PTPRG: variants seen among roughly 807,000 people sequenced by gnomAD.
The protein encoded by PTPRG is receptor-type tyrosine-protein phosphatase gamma.
A neutral mutation model predicts 165.3 loss-of-function variants in PTPRG; 102 were observed. The observed-to-expected ratio is 0.62, with a 90% CI of 0.53 to 0.73. PTPRG has a LOEUF of 0.73. PTPRG is among the 30% of genes least tolerant of loss of function. The pLI, the probability that PTPRG is intolerant of heterozygous loss-of-function variation, is 0.00. For synonymous variants in PTPRG, 675 were observed against 669.5 expected (o/e 1.01, Z -0.13); for missense variants, 1,866 against 1,861.4 (o/e 1.00, Z -0.05).
At chr3:61,746,507 A>G (rs1353366742) in intron 1 of PTPRG, among the ~76,000 whole-genome samples, 1 of 152,076 alleles carries the variant, frequency 6.6e-6, no homozygotes, top group Non-Finnish European at 1.5e-5. Flanking sequence ...AATTTTGTCA[A>G]CAGAATTGAT....
chr3:61,565,562 C>T (rs1699891297), intron 1 of PTPRG, among the ~76,000 whole-genome samples: 1 of 152,014 alleles, frequency 6.6e-6, no homozygotes, highest in South Asian at 2.1e-4. Flanking sequence ...AAATATGTTA[C>T]TTCAGAGTGT....
intron 2 of PTPRG, among the ~76,000 whole-genome samples, chr3:61,944,965 G>T (rs180681974): frequency 3.5e-4 from 53 of 152,254 alleles, no homozygotes; most frequent in Non-Finnish European, 6.0e-4. Context: ...GATTGCAGTG[G>T]CTCTGCTGGA....
At chr3:61,829,987 T>C (rs2036227514) in intron 2 of PTPRG, among the ~76,000 whole-genome samples, 1 of 152,228 alleles carries the variant, frequency 6.6e-6, no homozygotes, top group Admixed American at 6.5e-5. Flanking sequence ...CTCCACATGG[T>C]GGATAGCTCA....
intron 2 of PTPRG, among the ~76,000 whole-genome samples, chr3:61,948,201 T>C (rs535087564): frequency 1.8e-4 from 28 of 152,248 alleles, no homozygotes; most frequent in Admixed American, 3.3e-4. Context: ...GGCACATGCC[T>C]GTAATCCCAG....
At chr3:61,683,987 T>C (rs904358325) in intron 1 of PTPRG, among the ~76,000 whole-genome samples, 2 of 152,228 alleles carry the variant, frequency 1.3e-5, no homozygotes, top group African/African-American at 2.4e-5. Context: ...CCCAGCTCCA[T>C]GGTACCGTAG....
chr3:62,068,656 T>G (rs190360478), intron 4 of PTPRG, among the ~76,000 whole-genome samples: 40 of 152,166 alleles, frequency 2.6e-4, no homozygotes, highest in African/African-American at 8.7e-4. Context: ...TTTTGTTTTG[T>G]TTTGGTTTGG....
At chr3:61,852,429 A>G (rs1398521845) in intron 2 of PTPRG, among the ~76,000 whole-genome samples, 1 of 152,246 alleles carries the variant, frequency 6.6e-6, no homozygotes, top group African/African-American at 2.4e-5. Context: ...ATGGAATTTT[A>G]CAGTAAGACA....
At chr3:62,057,935 A>G (rs1700685199) in intron 4 of PTPRG, among the ~76,000 whole-genome samples, 1 of 152,240 alleles carries the variant, frequency 6.6e-6, no homozygotes, top group Non-Finnish European at 1.5e-5. Flanking sequence ...TTATTTTGCT[A>G]GCATGTTAAA....
chr3:61,837,755 A>C (rs140222260), intron 2 of PTPRG, among the ~76,000 whole-genome samples: 40 of 152,356 alleles, frequency 2.6e-4, no homozygotes, highest in African/African-American at 8.2e-4. Flanking sequence ...GTATTAGTCC[A>C]TTAGGGCAGC....
chr3:62,218,130 C>G (rs986527858), intron 12 of PTPRG, among the ~76,000 whole-genome samples: 1 of 152,114 alleles, frequency 6.6e-6, no homozygotes, highest in Non-Finnish European at 1.5e-5. Context: ...ACAGAAGCAC[C>G]TAGGTGCTCC....
Position 62,271,984 on chromosome 3 carries a change from A to G in PTPRG, c.3182+429A>G, listed in dbSNP as rs1234853946. 6.6e-6 allele frequency among the ~76,000 whole-genome samples: 1 copy of G among 152,150 alleles called. No homozygotes were observed. Among genetic ancestry groups the G allele is most frequent in the Non-Finnish European group, 1.5e-5 (1 of 68,018 alleles). On this transcript the variant is annotated intron_variant, in intron 21 of 29. Transcript: ENST00000474889. This position sits in a 1 kb window ranked among gnomAD's most constrained non-coding sequence, Gnocchi z 4.1. ...GTGGCACATGCCTGTGGTCCCAGCT[A>G]CATGGGAGGCTGAGACAGAAGGATC... is the stretch of plus-strand genomic sequence containing the variant.
At chr3:61,671,963 C>G (rs540436551) in intron 1 of PTPRG, among the ~76,000 whole-genome samples, 23 of 130,332 alleles carry the variant, frequency 1.8e-4, no homozygotes, top group African/African-American at 6.4e-4. Flanking sequence ...ACTTCCCAGA[C>G]GGGGTGGCTG....
chr3:61,796,250 CAGATAACTCGTT>C (rs918893304), intron 2 of PTPRG, among the ~76,000 whole-genome samples: 3 of 152,200 alleles, frequency 2.0e-5, no homozygotes, highest in Non-Finnish European at 4.4e-5. Flanking sequence ...AGTCCACACG[CAGATAACTCGTT>C]AGGTTTCCTG....
At chr3:62,030,926 T>A (rs1699749535) in intron 4 of PTPRG, among the ~76,000 whole-genome samples, 1 of 152,178 alleles carries the variant, frequency 6.6e-6, no homozygotes, top group South Asian at 2.1e-4. Context: ...CAATATGGAT[T>A]TGAATAAAAA....
At chr3:62,110,089 CTTTTTTTT>C (rs371457716) in intron 5 of PTPRG, among the ~76,000 whole-genome samples, 105 of 79,982 alleles carry the variant, frequency 1.3e-3, no homozygotes, top group East Asian at 7.0e-3. Context: ...GAAATAATGG[CTTTTTTTT>C]TTTTTTTTTT....
intron 2 of PTPRG, among the ~76,000 whole-genome samples, chr3:61,757,008 A>G (rs1204749218): frequency 6.6e-6 from 1 of 152,298 alleles, no homozygotes; most frequent in East Asian, 1.9e-4. Flanking sequence ...ACACGTGTGC[A>G]TGTCTCCAAA....
chr3:62,074,611 G>A (rs1460207751), intron 4 of PTPRG, among the ~76,000 whole-genome samples: 2 of 151,776 alleles, frequency 1.3e-5, no homozygotes, highest in African/African-American at 2.4e-5. Flanking sequence ...ATAGTGCTGG[G>A]GTTACATGCA....
chr3:62,123,504 A>T (rs1056335300), intron 5 of PTPRG, among the ~76,000 whole-genome samples: 1 of 152,204 alleles, frequency 6.6e-6, no homozygotes, highest in Non-Finnish European at 1.5e-5. Context: ...TTCAGTTATA[A>T]CATAGCATAA....
chr3:61,861,464 C>T (rs570434247), intron 2 of PTPRG, among the ~76,000 whole-genome samples: 144 of 152,252 alleles, frequency 9.5e-4, no homozygotes, highest in African/African-American at 3.2e-3. Context: ...GCCACAGTTC[C>T]CTGTTATTAG....
Sources: gnomAD v4.1 joint callset for allele counts (sites outside exome capture counted in the v4.1 genomes callset) on GRCh38, gnomAD v4.1.1 for gene constraint, Gnocchi (gnomAD v3.1) non-coding constraint, MANE v1.5 for transcripts, NCBI Gene and HGNC (gene_info 2026-07-23, HGNC 2026-07-21) for gene names.